The following NCAM2 variants were observed in gnomAD, a reference collection of about 807,000 sequenced individuals.
The protein encoded by NCAM2 is N-CAM-2.
Under a neutral mutation model 98.1 loss-of-function variants are expected in NCAM2, and 30 were observed. The ratio of observed to expected loss-of-function variants is 0.31; its 90% confidence interval spans 0.23 to 0.41. The LOEUF is 0.41. NCAM2 is among the 10% of genes least tolerant of loss of function. The probability of loss-of-function intolerance (pLI) is 1.00; values close to 1 mark genes in which losing one functional copy is unlikely to be tolerated. For synonymous variants in NCAM2, 368 were observed against 342.4 expected, an observed-to-expected ratio of 1.07 and a Z score of -0.83; for missense variants, 867 against 1,005.8, an observed-to-expected ratio of 0.86 and a Z score of 1.87.
chr21:21,426,809 T>A (rs1448845765), intron 11 of NCAM2, among the ~76,000 whole-genome samples: 1 of 152,214 alleles, frequency 6.6e-6, no homozygotes, highest in Non-Finnish European at 1.5e-5. Context: ...CTAGGTTCAC[T>A]ACATGAAACT....
At chr21:21,245,107 A>G (rs907094244) in intron 1 of NCAM2, among the ~76,000 whole-genome samples, 3 of 152,074 alleles carry the variant, frequency 2.0e-5, no homozygotes, top group African/African-American at 7.2e-5. Context: ...TCATTTTTCT[A>G]TGTGGCGGCC....
chr21:21,092,053 TTC>T (rs2066023821), intron 1 of NCAM2, among the ~76,000 whole-genome samples: 1 of 152,106 alleles, frequency 6.6e-6, no homozygotes, highest in East Asian at 1.9e-4. Context: ...ATGAGTGAAT[TTC>T]TGTTAGAAAT....
At chr21:21,339,293 G>A (rs1471322356) in intron 8 of NCAM2, among the ~76,000 whole-genome samples, 2 of 152,048 alleles carry the variant, frequency 1.3e-5, no homozygotes, top group Non-Finnish European at 2.9e-5. Flanking sequence ...CTAATGTAGA[G>A]AAATAGGTAC....
intron 1 of NCAM2, among the ~76,000 whole-genome samples, chr21:21,262,665 A>AAAG (rs2071959098): frequency 6.7e-6 from 1 of 149,162 alleles, no homozygotes; most frequent in Admixed American, 6.6e-5. Flanking sequence ...AGTCAAAAAA[A>AAAG]AAAAAAAAAA....
intron 1 of NCAM2, among the ~76,000 whole-genome samples, chr21:21,265,031 G>GTATATATATACACATA (rs1568855399): frequency 1.2e-4 from 8 of 65,534 alleles, no homozygotes; most frequent in Admixed American, 3.1e-4. Flanking sequence ...ATGTGTCTGT[G>GTATATATATACACATA]TATATATGTA....
chr21:21,223,977 A>G (rs2070277347), intron 1 of NCAM2, among the ~76,000 whole-genome samples: 1 of 152,168 alleles, frequency 6.6e-6, no homozygotes. Flanking sequence ...CAATCACGGA[A>G]CACAGTGCAT....
intron 14 of NCAM2, among the ~76,000 whole-genome samples, chr21:21,472,205 A>G (rs965959906): frequency 2.6e-5 from 4 of 151,972 alleles, no homozygotes; most frequent in Admixed American, 2.6e-4. Flanking sequence ...AACTAAAATA[A>G]TTGGTAGCTT....
At chr21:21,394,567 C>A (rs1460486585) in intron 9 of NCAM2, among the ~76,000 whole-genome samples, 1 of 140,332 alleles carries the variant, frequency 7.1e-6, no homozygotes, top group East Asian at 2.2e-4. Context: ...TGGCTCACTG[C>A]AAGCTCCGCC....
At chr21:21,053,495 T>G (rs1011471889) in intron 1 of NCAM2, among the ~76,000 whole-genome samples, 10 of 151,824 alleles carry the variant, frequency 6.6e-5, no homozygotes, top group Non-Finnish European at 1.0e-4. Context: ...TTGTTTTGGT[T>G]TTTTGGAACT....
intron 1 of NCAM2, among the ~76,000 whole-genome samples, chr21:21,015,056 T>A (rs1170479991): frequency 6.6e-6 from 1 of 152,176 alleles, no homozygotes; most frequent in Non-Finnish European, 1.5e-5. Context: ...ATGACAAAAC[T>A]TGAATGGATG....
intron 16 of NCAM2, among the ~76,000 whole-genome samples, chr21:21,511,899 G>A (rs762937930): frequency 4.6e-5 from 7 of 152,066 alleles, no homozygotes; most frequent in African/African-American, 1.7e-4. Context: ...TGTCTTTTGA[G>A]AGAAATGTCT....
At chr21:21,357,497 A>T (rs2075521942) in intron 8 of NCAM2, among the ~76,000 whole-genome samples, 1 of 152,288 alleles carries the variant, frequency 6.6e-6, no homozygotes, top group South Asian at 2.1e-4. Context: ...GATTTAAAAT[A>T]TGGAGCCTGT....
chr21:21,354,982 A>G (rs1547377), intron 8 of NCAM2, among the ~76,000 whole-genome samples: 110,023 of 152,046 alleles, frequency 0.72, 40,172 homozygotes, highest in Middle Eastern at 0.8. Context: ...ATAATTTGTA[A>G]TCAAAATAGT....
At chr21:21,144,876 A>G (rs993572329) in intron 1 of NCAM2, among the ~76,000 whole-genome samples, 3 of 152,208 alleles carry the variant, frequency 2.0e-5, no homozygotes, top group Non-Finnish European at 4.4e-5. Context: ...AAACAAAGGC[A>G]TAAAAGCATG....
At chr21:21,422,171 G>T (rs963338866) in intron 11 of NCAM2, among the ~76,000 whole-genome samples, 3 of 152,150 alleles carry the variant, frequency 2.0e-5, no homozygotes, top group Non-Finnish European at 4.4e-5. Context: ...ACCCAAACAG[G>T]CTTGTTGGAG....
chr21:21,278,397 ATTGT>A (rs2072808287), intron 1 of NCAM2, among the ~76,000 whole-genome samples: 1 of 152,106 alleles, frequency 6.6e-6, no homozygotes, highest in South Asian at 2.1e-4. Flanking sequence ...CAAAAAGAAA[ATTGT>A]TTACTTATTT....
chr21:21,498,451 T>C (rs1465247962), intron 15 of NCAM2, among the ~76,000 whole-genome samples: 1 of 152,178 alleles, frequency 6.6e-6, no homozygotes, highest in Non-Finnish European at 1.5e-5. Flanking sequence ...TACAGGAGAT[T>C]ACATGTTGTA....
chr21:21,317,565 G>C (rs1274152799), intron 5 of NCAM2, among the ~76,000 whole-genome samples: 1 of 151,324 alleles, frequency 6.6e-6, no homozygotes, highest in Non-Finnish European at 1.5e-5. Context: ...TTTTGAGATA[G>C]AGTCTTGCTC....
intron 1 of NCAM2, among the ~76,000 whole-genome samples, chr21:21,102,055 CTAGT>C (rs1188944778): frequency 3.9e-5 from 6 of 151,986 alleles, no homozygotes; most frequent in South Asian, 4.1e-4. Flanking sequence ...TGTGGAAGCA[CTAGT>C]TAAAGTGAAG....
Sources: gnomAD v4.1 joint callset for allele counts (sites outside exome capture counted in the v4.1 genomes callset) on GRCh38, gnomAD v4.1.1 for gene constraint, MANE v1.5 for transcripts, NCBI Gene and HGNC (gene_info 2026-07-23, HGNC 2026-07-21) for gene names.